Variants in C8orf76 observed in about 807,000 individuals in gnomAD.
C8orf76 encodes the protein chromosome 8 open reading frame 76.
Under a neutral mutation model 38.1 loss-of-function variants are expected in C8orf76, and 46 were observed. The observed-to-expected ratio is 1.21, with a 90% CI of 0.95 to 1.54. The LOEUF is 1.54. C8orf76 is among the 40% of genes most tolerant of loss of function. C8orf76 has a pLI of 0.00. For missense variants in C8orf76, 461 were observed against 441.6 expected, an observed-to-expected ratio of 1.04 and a Z score of -0.39; for synonymous variants, 166 against 167.5, an observed-to-expected ratio of 0.99 and a Z score of 0.07.
At chr8:123,222,182 T>C (rs529094861) in intron 5 of C8orf76, among the ~76,000 whole-genome samples, 1 of 152,072 alleles carries the variant, frequency 6.6e-6, no homozygotes, top group African/African-American at 2.4e-5. Context: ...AGAGACAGGG[T>C]TTCACCGTGT....
intron 4 of C8orf76, 150 bp from the exon 5 acceptor site, chr8:123,226,782 T>C: frequency 8.4e-7 from 1 of 1,188,406 alleles, no homozygotes; most frequent in Non-Finnish European, 1.1e-6. Context: ...TCACTAGAAC[T>C]ATCATTTCAA....
At chr8:123,220,347 A>G in intron 5 of C8orf76, 50 bp from the exon 6 acceptor site, 1 of 1,385,268 alleles carries the variant, frequency 7.2e-7, no homozygotes, top group African/African-American at 1.5e-5. Flanking sequence ...AGGCAGAGAC[A>G]TGGAATGCTA....
chr8:123,236,638 G>C (rs1825490946), intron 3 of C8orf76, among the ~76,000 whole-genome samples: 1 of 152,076 alleles, frequency 6.6e-6, no homozygotes. Flanking sequence ...ACAAAAATTA[G>C]CTGGGCGTGG....
chr8:123,220,803 A>C (rs1337188988), intron 5 of C8orf76, among the ~76,000 whole-genome samples: 1 of 152,200 alleles, frequency 6.6e-6, no homozygotes, highest in Non-Finnish European at 1.5e-5. Context: ...TACTGGTCAG[A>C]ATCAGGCCCA....
chr8:123,237,149 C>T (rs1246516760), intron 3 of C8orf76: 1 of 796,572 alleles, frequency 1.3e-6, no homozygotes, highest in Non-Finnish European at 2.2e-6. Flanking sequence ...CCTGCACCAC[C>T]CCGTGCTGTC....
At chr8:123,225,317 AT>A (rs1055801155) in intron 5 of C8orf76, among the ~76,000 whole-genome samples, 6 of 152,146 alleles carry the variant, frequency 3.9e-5, no homozygotes, top group African/African-American at 1.4e-4. Flanking sequence ...CATTTTAGAC[AT>A]TTTGTACTTG....
At chr8:123,231,916 G>A (rs1347661568) in intron 3 of C8orf76, among the ~76,000 whole-genome samples, 159 bp from the exon 4 acceptor site, 4 of 152,134 alleles carry the variant, frequency 2.6e-5, no homozygotes, top group Non-Finnish European at 5.9e-5. Context: ...TCTCATGTTT[G>A]AAACCGTAAA....
At chr8:123,232,818 G>C (rs1226431746) in intron 3 of C8orf76, among the ~76,000 whole-genome samples, 1 of 149,506 alleles carries the variant, frequency 6.7e-6, no homozygotes, top group East Asian at 1.9e-4. Flanking sequence ...AGACCATTTA[G>C]CTCCATAAGA....
At chr8:123,222,600 A>G (rs556756690) in intron 5 of C8orf76, among the ~76,000 whole-genome samples, 1 of 152,312 alleles carries the variant, frequency 6.6e-6, no homozygotes, top group African/African-American at 2.4e-5. Context: ...TAAGTCTAAT[A>G]TAGGGAGAAC....
intron 5 of C8orf76, among the ~76,000 whole-genome samples, chr8:123,225,074 C>T (rs1207315309): frequency 1.3e-5 from 2 of 152,146 alleles, no homozygotes; most frequent in Non-Finnish European, 2.9e-5. Flanking sequence ...GACACAATCT[C>T]GGCTCACTGC....
In C8orf76 at chr8:123,231,712, G is replaced by C; in HGVS notation, c.403C>G (p.Leu135Val). The change falls in exon 4 of 6, where the codon CTC becomes GTC. Residue 135 changes from leucine (L) to valine (V), a missense_variant. Coordinates refer to ENST00000276704, the MANE Select transcript of C8orf76 (RefSeq NM_032847.3). ...NTDHLTTVLY[L>V]QLAICSSLQN... ...AAACTTGAACAAATAGCAAGCTGGA[G>C]GTAGAGTACCGTGGTTAAATGGTCT... The C allele has an allele frequency of 2.5e-6, 4 of 1,612,242 alleles. No homozygotes were observed. The highest frequency in any genetic ancestry group is 1.6e-4 in the Middle Eastern group (1 of 6,062).
intron 2 of C8orf76, 30 bp downstream of exon 2, chr8:123,239,019 C>T (rs1250370856): frequency 6.2e-7 from 1 of 1,606,190 alleles, no homozygotes; most frequent in South Asian, 1.1e-5. Flanking sequence ...AAACAAGAGC[C>T]CACTTCAAGC....
chr8:123,236,096 C>T (rs954601103), intron 3 of C8orf76, among the ~76,000 whole-genome samples: 1 of 152,206 alleles, frequency 6.6e-6, no homozygotes, highest in Non-Finnish European at 1.5e-5. Flanking sequence ...TTTCCATGTT[C>T]TTAGAACAAT....
At chr8:123,225,361 G>C (rs1006319719) in intron 5 of C8orf76, among the ~76,000 whole-genome samples, 12 of 152,086 alleles carry the variant, frequency 7.9e-5, no homozygotes, top group African/African-American at 2.7e-4. Flanking sequence ...AATTATCCCA[G>C]GTTAACCACC....
chr8:123,230,014 C>CA (rs1003105414), intron 4 of C8orf76, among the ~76,000 whole-genome samples: 26 of 148,088 alleles, frequency 1.8e-4, no homozygotes, highest in South Asian at 6.4e-4. Context: ...AACTCCGTCT[C>CA]AAAAAAAAAA....
intron 3 of C8orf76, 88 bp downstream of exon 3, chr8:123,237,710 A>G: frequency 6.8e-7 from 1 of 1,463,656 alleles, no homozygotes; most frequent in Non-Finnish European, 9.1e-7. Context: ...TTTTGCTACT[A>G]GCAAGAAGTT....
intron 3 of C8orf76, among the ~76,000 whole-genome samples, chr8:123,232,587 C>T (rs537032561): frequency 6.6e-6 from 1 of 152,280 alleles, no homozygotes; most frequent in South Asian, 2.1e-4. Flanking sequence ...CCTCACAGAA[C>T]CACACTGAGC....
chr8:123,226,192 A>C, intron 5 of C8orf76: 1 of 1,185,420 alleles, frequency 8.4e-7, no homozygotes, highest in Non-Finnish European at 1.0e-6. Context: ...ACACAAATGT[A>C]AGCATTCATT....
chr8:123,232,914 TAA>T (rs1825326542), intron 3 of C8orf76, among the ~76,000 whole-genome samples: 1 of 152,244 alleles, frequency 6.6e-6, no homozygotes, highest in African/African-American at 2.4e-5. Flanking sequence ...ATGACTTTTC[TAA>T]AGTCAAATCA....
Sources: gnomAD v4.1 joint callset for allele counts (sites outside exome capture counted in the v4.1 genomes callset) on GRCh38, gnomAD v4.1.1 for gene constraint, MANE v1.5 for transcripts, NCBI Gene and HGNC (gene_info 2026-07-23, HGNC 2026-07-21) for gene names.